SGCZ: variants seen among roughly 807,000 people sequenced by gnomAD.
SGCZ encodes zeta-sarcoglycan.
SGCZ carries 40 observed loss-of-function variants against 41.3 expected under a neutral mutation model. The observed-to-expected ratio is 0.97, with a 90% CI of 0.75 to 1.26. The LOEUF (loss-of-function observed/expected upper bound fraction) is 1.26. Among genes scored for constraint, SGCZ ranks in the 50% most tolerant of loss-of-function variants. SGCZ has a pLI of 0.00. For missense variants in SGCZ, 552 were observed against 369.8 expected, an observed-to-expected ratio of 1.49 and a Z score of -4.04; for synonymous variants, 206 against 137.5, an observed-to-expected ratio of 1.50 and a Z score of -3.49.
At chr8:14,518,190 G>A (rs1298044185) in intron 2 of SGCZ, among the ~76,000 whole-genome samples, 3 of 151,658 alleles carry the variant, frequency 2.0e-5, no homozygotes, top group Admixed American at 6.6e-5. Flanking sequence ...ACTTCGTAAG[G>A]GAAGATTTTT....
At chr8:14,132,874 T>C (rs1803084344) in intron 5 of SGCZ, among the ~76,000 whole-genome samples, 1 of 152,198 alleles carries the variant, frequency 6.6e-6, no homozygotes, top group African/African-American at 2.4e-5. Flanking sequence ...TGTAGGAATT[T>C]ATTTGCTTAG....
intron 2 of SGCZ, among the ~76,000 whole-genome samples, chr8:14,389,206 A>G (rs956535328): frequency 4.6e-5 from 7 of 151,970 alleles, no homozygotes; most frequent in Non-Finnish European, 1.0e-4. Context: ...ACAGAGATAT[A>G]GAGACATATT....
At chr8:14,830,363 TTTG>T (rs572574343) in intron 1 of SGCZ, among the ~76,000 whole-genome samples, 181 of 152,300 alleles carry the variant, frequency 1.2e-3, no homozygotes, top group African/African-American at 4.2e-3. Flanking sequence ...ATGACATCAA[TTTG>T]TTATCTGTCA....
At chr8:14,522,546 T>A (rs980223384) in intron 2 of SGCZ, among the ~76,000 whole-genome samples, 20 of 152,044 alleles carry the variant, frequency 1.3e-4, no homozygotes, top group Admixed American at 1.2e-3. Flanking sequence ...ATCCTTTTGA[T>A]GTCTGCAGAG....
intron 2 of SGCZ, among the ~76,000 whole-genome samples, chr8:14,467,315 A>C (rs528360305): frequency 6.6e-6 from 1 of 152,194 alleles, no homozygotes; most frequent in African/African-American, 2.4e-5. Context: ...CGTGAAAGTC[A>C]CTTCAGCTAG....
chr8:14,146,157 C>A (rs1803514203), intron 5 of SGCZ, among the ~76,000 whole-genome samples: 1 of 152,056 alleles, frequency 6.6e-6, no homozygotes, highest in Admixed American at 6.6e-5. Flanking sequence ...AGTTATCAAA[C>A]TCTCAAAAGT....
chr8:14,242,296 C>A (rs899577261), intron 3 of SGCZ, among the ~76,000 whole-genome samples: 1 of 152,130 alleles, frequency 6.6e-6, no homozygotes, highest in Admixed American at 6.5e-5. Flanking sequence ...CATTTACTGG[C>A]CCTTAATCAA....
chr8:14,594,857 C>A (rs946070106), intron 1 of SGCZ, among the ~76,000 whole-genome samples: 1 of 151,780 alleles, frequency 6.6e-6, no homozygotes, highest in Non-Finnish European at 1.5e-5. Flanking sequence ...TTTTTACCAA[C>A]AATTACATAT....
intron 1 of SGCZ, among the ~76,000 whole-genome samples, chr8:14,623,133 A>G (rs961081702): frequency 6.6e-6 from 1 of 152,206 alleles, no homozygotes; most frequent in East Asian, 1.9e-4. Flanking sequence ...ATTACCATGA[A>G]GTATTTTTTA....
chr8:14,748,489 T>C (rs892764116), intron 1 of SGCZ, among the ~76,000 whole-genome samples: 2 of 152,166 alleles, frequency 1.3e-5, no homozygotes, highest in Non-Finnish European at 2.9e-5. Flanking sequence ...CCATGCTTAT[T>C]TACTGTGACA....
chr8:14,672,571 TGTAATA>T (rs1808139163), intron 1 of SGCZ, among the ~76,000 whole-genome samples: 2 of 152,178 alleles, frequency 1.3e-5, no homozygotes, highest in African/African-American at 4.8e-5. Context: ...CAGTAGGTGC[TGTAATA>T]ACATAAATAT....
intron 3 of SGCZ, among the ~76,000 whole-genome samples, chr8:14,272,104 A>G (rs1193790243): frequency 6.6e-6 from 1 of 152,118 alleles, no homozygotes; most frequent in Non-Finnish European, 1.5e-5. Flanking sequence ...CCCAGGTTCA[A>G]GCGATTCTCC....
chr8:14,109,547 A>T (rs892840902), intron 5 of SGCZ, among the ~76,000 whole-genome samples: 2 of 152,160 alleles, frequency 1.3e-5, no homozygotes, highest in African/African-American at 2.4e-5. Flanking sequence ...AAACTATACA[A>T]TGTAATTTAA....
intron 1 of SGCZ, among the ~76,000 whole-genome samples, chr8:15,100,401 G>C (rs1040405569): frequency 6.6e-6 from 1 of 152,006 alleles, no homozygotes; most frequent in Admixed American, 6.6e-5. Context: ...AATGCAATAT[G>C]TATGAAACAG....
intron 1 of SGCZ, among the ~76,000 whole-genome samples, chr8:14,951,158 A>T (rs557758814): frequency 6.6e-6 from 1 of 150,626 alleles, no homozygotes; most frequent in East Asian, 1.9e-4. Context: ...TTATCACAGA[A>T]TTTGAACTAA....
At chr8:15,158,944 G>C (rs909135655) in intron 1 of SGCZ, among the ~76,000 whole-genome samples, 2 of 152,154 alleles carry the variant, frequency 1.3e-5, no homozygotes, top group African/African-American at 2.4e-5. Flanking sequence ...CCTGTTTCCT[G>C]ATATACAACT....
intron 1 of SGCZ, among the ~76,000 whole-genome samples, chr8:15,032,412 G>T (rs1395763378): frequency 6.6e-6 from 1 of 152,130 alleles, no homozygotes; most frequent in Non-Finnish European, 1.5e-5. Context: ...TCCACAAAGG[G>T]GAAGGAGAGT....
chr8:14,635,180 A>G (rs1196056962), intron 1 of SGCZ, among the ~76,000 whole-genome samples: 1 of 151,964 alleles, frequency 6.6e-6, no homozygotes, highest in Non-Finnish European at 1.5e-5. Context: ...ATGAAAGAAA[A>G]TAGATATTCG....
chr8:14,537,088 C>T (rs1313720510), intron 2 of SGCZ, among the ~76,000 whole-genome samples: 1 of 151,950 alleles, frequency 6.6e-6, no homozygotes, highest in Non-Finnish European at 1.5e-5. Context: ...ACTCTAACAG[C>T]TCTTCTGAAT....
Sources: gnomAD v4.1 joint callset for allele counts (sites outside exome capture counted in the v4.1 genomes callset) on GRCh38, gnomAD v4.1.1 for gene constraint, MANE v1.5 for transcripts, NCBI Gene and HGNC (gene_info 2026-07-23, HGNC 2026-07-21) for gene names.